CRACR2A: variants seen among roughly 807,000 people sequenced by gnomAD.
The protein encoded by CRACR2A is EF-hand calcium-binding domain-containing protein 4B.
In CRACR2A, 79 loss-of-function variants were observed where a neutral mutation model predicts 90.5. The ratio of observed to expected loss-of-function variants is 0.87; its 90% CI spans 0.73 to 1.05. The LOEUF is 1.05. Among genes scored for constraint, CRACR2A ranks in the 50% least tolerant of loss-of-function variants. The pLI is 0.00. For synonymous variants in CRACR2A, 338 were observed against 356.7 expected, an observed-to-expected ratio of 0.95 and a Z score of 0.59; for missense variants, 823 against 897.2, an observed-to-expected ratio of 0.92 and a Z score of 1.06.
At chr12:3,683,718 C>T (rs926037825) in intron 4 of CRACR2A, among the ~76,000 whole-genome samples, 6 of 152,212 alleles carry the variant, frequency 3.9e-5, no homozygotes, top group African/African-American at 1.4e-4. Flanking sequence ...AGAACAGGGA[C>T]CTCATTCGTT....
chr12:3,633,508 C>T lies in CRACR2A; in HGVS notation c.1735+96G>A. The T allele has an allele frequency of 6.7e-7, 1 of 1,485,044 alleles. No homozygotes were observed. The highest frequency in any genetic ancestry group is 1.4e-5 in the African/African-American group (1 of 71,882). The allele number at this position is 1,485,044 out of a possible 1,614,324, so 92.0% of individuals were successfully genotyped here. On this transcript the variant is annotated intron_variant, in intron 15 of 19. Transcript: ENST00000440314. This position sits in a 1 kb window ranked among gnomAD's most constrained non-coding sequence, Gnocchi z 4.5. Reference sequence around the variant, plus strand: ...CTACTGGCCAATCCCCATGGCCCTTCCCATGGGCTTCTAACGCTCCCTGCC... The same window carrying T: ...CTACTGGCCAATCCCCATGGCCCTTTCCATGGGCTTCTAACGCTCCCTGCC...
At chr12:3,626,147 T>G (rs1944254412) in intron 17 of CRACR2A, among the ~76,000 whole-genome samples, 1 of 152,174 alleles carries the variant, frequency 6.6e-6, no homozygotes, top group Non-Finnish European at 1.5e-5. Context: ...TGGCTTCCAT[T>G]TTGTTCCTTA....
intron 3 of CRACR2A, 119 bp from the exon 4 acceptor site, chr12:3,697,154 T>G: frequency 8.1e-7 from 1 of 1,232,796 alleles, no homozygotes; most frequent in Non-Finnish European, 1.1e-6. Flanking sequence ...AGGAATCTCT[T>G]AGCAACTACC....
chr12:3,660,238 T>TGA (rs1945004592), intron 7 of CRACR2A, among the ~76,000 whole-genome samples: 1 of 152,158 alleles, frequency 6.6e-6, no homozygotes, highest in Admixed American at 6.5e-5. Context: ...AGAGATTCCA[T>TGA]GATGATGACA....
In CRACR2A at chr12:3,627,508, AC is replaced by A; in HGVS notation, c.1859del (p.Gly620ValfsTer21). Reference protein sequence around the residue: ...ITQQFFRKADGVIVMYDLTDK... With the variant: ...ITQQFFRKADXVIVMYDLTDK... ...CTGTGAGATCGTACATGACGATGACACCATCTGCCTTTCTGAAGAACTGCTG... is the reference window on the plus strand; with the variant it reads ...CTGTGAGATCGTACATGACGATGACACATCTGCCTTTCTGAAGAACTGCTG... On this transcript the variant is annotated frameshift_variant, in exon 17 of 20. Transcript: ENST00000440314. LOFTEE classifies it high-confidence loss of function. The A allele has an allele frequency of 6.4e-7, 1 of 1,551,734 alleles. No individual in the cohort carries two copies.
At chr12:3,662,995 T>C (rs1338330943) in intron 7 of CRACR2A, among the ~76,000 whole-genome samples, 1 of 152,230 alleles carries the variant, frequency 6.6e-6, no homozygotes, top group East Asian at 1.9e-4. Flanking sequence ...GATTTTGCCA[T>C]CTATTCCAAC....
At chr12:3,745,821 A>AAAATAAAATAAAAT (rs1565511448) in intron 1 of CRACR2A, among the ~76,000 whole-genome samples, 2 of 8,944 alleles carry the variant, frequency 2.2e-4, no homozygotes, top group Admixed American at 1.6e-3. Context: ...AAAATAAAAT[A>AAAATAAAATAAAAT]AAATAAAGAA....
rs1297788025 is a variant in CRACR2A at position 3,627,670 on chromosome 12, T to C, written c.1772A>G (p.Asn591Ser). 3.9e-6 allele frequency: 6 copies of C among 1,551,564 alleles called. No individual in the cohort carries two copies. The highest frequency in any genetic ancestry group is 3.5e-6 in the Non-Finnish European group (4 of 1,146,952). ...CCACAGCTGCAGGGCCACCTGAGAG[T>C]TGTCCACATTCAACGTCTTCACACG... ...DYRVKTLNVD[N>S]SQVALQLWDT... is the part of the protein sequence containing the mutation. The change falls in exon 16 of 20, where the codon AAC becomes AGC. Residue 591 changes from asparagine (N) to serine (S), a missense_variant. Transcript: ENST00000440314.
At chr12:3,632,067 T>A (rs1438008048) in intron 15 of CRACR2A, among the ~76,000 whole-genome samples, 1 of 152,202 alleles carries the variant, frequency 6.6e-6, no homozygotes, top group African/African-American at 2.4e-5. Context: ...GGATCCTTCA[T>A]GAATGGTTTA....
chr12:3,721,974 A>G (rs1946185954), intron 2 of CRACR2A, among the ~76,000 whole-genome samples: 2 of 152,200 alleles, frequency 1.3e-5, no homozygotes, highest in South Asian at 4.1e-4. Context: ...AAAGCCTTGA[A>G]TGTCATGCCA....
rs755692821 is a variant in CRACR2A, at chr12:3,638,189, G to A, written c.1537C>T (p.Pro513Ser). The A allele has an allele frequency of 4.5e-6, 7 of 1,551,216 alleles. No individual in the cohort carries two copies. In the South Asian group the frequency reaches 4.8e-5, roughly 11 times the overall value. The change falls in exon 14 of 20, where the codon CCA becomes TCA. Residue 513 changes from proline (P) to serine (S), a missense_variant. By Grantham distance (74) the Pro-to-Ser change is moderately conservative. Transcript: ENST00000440314. ...GATGTGGGGGTGAGTTTCAAGGGTG[G>A]GGCCTCCGGGATTTGTCCCTGTACC... ...QGVQGQIPEA[P>S]PLKLTPTSPR...
intron 7 of CRACR2A, among the ~76,000 whole-genome samples, chr12:3,671,616 G>C (rs111387849): frequency 4.4e-4 from 67 of 152,140 alleles, no homozygotes; most frequent in African/African-American, 1.6e-3. Flanking sequence ...CGGGTCCATG[G>C]ACTACACTTT....
chr12:3,750,273 G>A (rs1946685810), intron 1 of CRACR2A, among the ~76,000 whole-genome samples: 1 of 152,154 alleles, frequency 6.6e-6, no homozygotes, highest in Admixed American at 6.5e-5. Context: ...AGGCTCCTCT[G>A]CAAGACAGCG....
Position 3,746,498 on chromosome 12 carries a change from A to G in CRACR2A, c.-387+6517T>C, listed in dbSNP as rs911318953. Among the ~76,000 whole-genome samples, 2 of 152,170 alleles carry G rather than the reference A, an allele frequency of 1.3e-5. No homozygotes were observed. The highest frequency in any genetic ancestry group is 2.4e-5 in the African/African-American group (1 of 41,446). ...AAAGAAAGTGGCTTTCTGCAAGCCAAGGAGAGAACCTTCACCCACCAAACT... is the reference window on the plus strand; with the variant it reads ...AAAGAAAGTGGCTTTCTGCAAGCCAGGGAGAGAACCTTCACCCACCAAACT... On this transcript the variant is annotated intron_variant, in intron 1 of 19. Coordinates refer to ENST00000440314, the MANE Select transcript of CRACR2A (RefSeq NM_001144958.2). This position sits in a 1 kb window ranked among gnomAD's most constrained non-coding sequence, Gnocchi z 4.4.
At chr12:3,675,945 C>T (rs919794655) in intron 6 of CRACR2A, among the ~76,000 whole-genome samples, 4 of 152,078 alleles carry the variant, frequency 2.6e-5, no homozygotes, top group Admixed American at 6.5e-5. Flanking sequence ...CTCTCTGCAC[C>T]CAGCAGAGAA....
intron 2 of CRACR2A, among the ~76,000 whole-genome samples, chr12:3,720,409 GAGAGAGGAAGAAAGAAAGAA>G (rs1946145871): frequency 2.2e-5 from 1 of 45,918 alleles, no homozygotes; most frequent in Admixed American, 2.3e-4. Flanking sequence ...GACGGAGTGA[GAGAGAGGAAGAAAGAAAGAA>G]AGAAAGAAAG....
chr12:3,663,533 G>A (rs1945076441), intron 7 of CRACR2A, among the ~76,000 whole-genome samples: 1 of 152,196 alleles, frequency 6.6e-6, no homozygotes, highest in African/African-American at 2.4e-5. Flanking sequence ...ACTTCAAGGA[G>A]TTGCCTTGGG....
intron 1 of CRACR2A, among the ~76,000 whole-genome samples, chr12:3,739,865 T>A (rs890851118): frequency 5.3e-5 from 8 of 150,348 alleles, no homozygotes; most frequent in African/African-American, 2.0e-4. Flanking sequence ...ACCAGGGAGT[T>A]GGAGGTTGCA....
At chr12:3,644,560 G>A in intron 12 of CRACR2A, 35 bp downstream of exon 12, 1 of 1,548,472 alleles carries the variant, frequency 6.5e-7, no homozygotes, top group African/African-American at 1.4e-5. Context: ...CACAGCCCTT[G>A]GTCCCCCACA....
Sources: allele counts gnomAD v4.1 joint callset (sites outside exome capture counted in the v4.1 genomes callset), GRCh38; gene constraint gnomAD v4.1.1; non-coding constraint Gnocchi (gnomAD v3.1); transcripts MANE v1.5; gene names NCBI Gene and HGNC (gene_info 2026-07-23, HGNC 2026-07-21).